Variants in RPSA2 observed in about 807,000 individuals in gnomAD.
RPSA2 encodes the protein ribosomal protein SA 2.
chr19:23,792,322 C>A, the RPSA2 span, among the ~76,000 whole-genome samples: 1 of 152,110 alleles, frequency 6.6e-6, no homozygotes, highest in Admixed American at 6.5e-5. Flanking sequence ...ACCTCCCCTG[C>A]AAATTTCCCA....
At chr19:23,817,884 G>A in the RPSA2 span, 1 of 152,184 alleles carries the variant, frequency 6.6e-6, no homozygotes, top group African/African-American at 2.4e-5. Context: ...AGCTCGTCTT[G>A]TAACCTTGTC....
At chr19:23,834,153 AT>A in the RPSA2 span, among the ~76,000 whole-genome samples, 3 of 152,092 alleles carry the variant, frequency 2.0e-5, no homozygotes, top group African/African-American at 7.2e-5. Context: ...CGTATAAAAA[AT>A]AATACAAAAC....
At chr19:23,764,170 A>G in the RPSA2 span, among the ~76,000 whole-genome samples, 1 of 152,176 alleles carries the variant, frequency 6.6e-6, no homozygotes, top group African/African-American at 2.4e-5. Flanking sequence ...CTTTTTAATT[A>G]CTTTAACACT....
At chr19:23,798,225 T>C in the RPSA2 span, among the ~76,000 whole-genome samples, 2 of 152,144 alleles carry the variant, frequency 1.3e-5, no homozygotes, top group African/African-American at 4.8e-5. Flanking sequence ...AGCATAAAAA[T>C]AGGATTAAAT....
chr19:23,778,995 C>CTTTTTTTGT, the RPSA2 span, among the ~76,000 whole-genome samples: 1 of 80,696 alleles, frequency 1.2e-5, no homozygotes. Flanking sequence ...TTTTGTGACA[C>CTTTTTTTGT]TTTTTTTTTT....
the RPSA2 span, chr19:23,809,449 A>T: frequency 5.3e-5 from 8 of 152,288 alleles, no homozygotes; most frequent in African/African-American, 1.9e-4. Context: ...TCTAGAGATC[A>T]CTTTGGATAA....
At chr19:23,796,413 T>G in the RPSA2 span, among the ~76,000 whole-genome samples, 1 of 67,330 alleles carries the variant, frequency 1.5e-5, no homozygotes, top group Non-Finnish European at 2.9e-5. Flanking sequence ...TGAAAGATAT[T>G]GGCCTGATTT....
chr19:23,818,560 A>G, the RPSA2 span: 3 of 152,446 alleles, frequency 2.0e-5, no homozygotes, highest in African/African-American at 7.2e-5. Flanking sequence ...ATTTCTGTAG[A>G]TTTCCGAGCC....
the RPSA2 span, among the ~76,000 whole-genome samples, chr19:23,855,917 A>G: frequency 2.6e-5 from 4 of 152,214 alleles, no homozygotes; most frequent in Admixed American, 2.0e-4. Context: ...GAGAGGGAAG[A>G]GTTAGCATAG....
chr19:23,857,415 T>A, the RPSA2 span, among the ~76,000 whole-genome samples: 1 of 152,074 alleles, frequency 6.6e-6, no homozygotes, highest in African/African-American at 2.4e-5. Flanking sequence ...GTCCCTCCAT[T>A]TGGGGTCCCT....
the RPSA2 span, among the ~76,000 whole-genome samples, chr19:23,819,989 T>A: frequency 6.6e-6 from 1 of 152,234 alleles, no homozygotes; most frequent in Non-Finnish European, 1.5e-5. Context: ...CCAGGGATAA[T>A]GTCTCTTAAC....
At chr19:23,758,731 G>A in the RPSA2 span, 2 of 1,614,214 alleles carry the variant, frequency 1.2e-6, no homozygotes, top group South Asian at 1.1e-5. Flanking sequence ...CGGGATGTCG[G>A]ACCCGACATT....
the RPSA2 span, among the ~76,000 whole-genome samples, chr19:23,800,228 G>C: frequency 6.6e-6 from 1 of 151,092 alleles, no homozygotes; most frequent in Non-Finnish European, 1.5e-5. Flanking sequence ...TATTTTAGTA[G>C]AGATGGGGTT....
At chr19:23,761,903 T>TCCTTCCTTCCCTTCCTTCCTTCCTTC in the RPSA2 span, among the ~76,000 whole-genome samples, 1 of 35,594 alleles carries the variant, frequency 2.8e-5, no homozygotes, top group African/African-American at 1.0e-4. Flanking sequence ...GTAACGTAAT[T>TCCTTCCTTCCCTTCCTTCCTTCCTTC]CTTTCTTTCT....
chr19:23,794,984 T>C, the RPSA2 span, among the ~76,000 whole-genome samples: 14 of 152,198 alleles, frequency 9.2e-5, 1 homozygote, highest in South Asian at 4.1e-4. Flanking sequence ...CAGATGGTAG[T>C]AGGTATGTGG....
chr19:23,817,238 C>T, the RPSA2 span, among the ~76,000 whole-genome samples: 1 of 152,026 alleles, frequency 6.6e-6, no homozygotes, highest in East Asian at 1.9e-4. Context: ...CAAAATTAGC[C>T]AGGCATGGTG....
chr19:23,788,306 C>T, the RPSA2 span, among the ~76,000 whole-genome samples: 1 of 152,168 alleles, frequency 6.6e-6, no homozygotes, highest in Non-Finnish European at 1.5e-5. Flanking sequence ...TAACATCTTT[C>T]TGAGCATTTT....
the RPSA2 span, among the ~76,000 whole-genome samples, chr19:23,859,039 T>C: frequency 6.6e-6 from 1 of 152,128 alleles, no homozygotes; most frequent in Non-Finnish European, 1.5e-5. Flanking sequence ...AAACCTCCAA[T>C]CCTAAACCAA....
At chr19:23,788,012 T>G in the RPSA2 span, among the ~76,000 whole-genome samples, 5 of 152,330 alleles carry the variant, frequency 3.3e-5, no homozygotes, top group East Asian at 9.7e-4. Context: ...GATTTATTAC[T>G]GGGCACAGCC....
Sources: gnomAD v4.1 joint callset for allele counts (sites outside exome capture counted in the v4.1 genomes callset) on GRCh38, gnomAD v4.1.1 for gene constraint, MANE v1.5 for transcripts, NCBI Gene and HGNC (gene_info 2026-07-23, HGNC 2026-07-21) for gene names.